ZNF362: variants seen among roughly 807,000 people sequenced by gnomAD.
ZNF362 encodes the protein rotund homolog.
A neutral mutation model predicts 42.9 loss-of-function variants in ZNF362; 11 were observed. That is an observed-to-expected ratio of 0.26 (90% CI 0.16 to 0.42). ZNF362 has a LOEUF of 0.42. ZNF362 is among the 20% of genes least tolerant of loss of function. The pLI, the probability that ZNF362 is intolerant of heterozygous loss-of-function variation, is 1.00. For missense variants in ZNF362, 362 were observed against 576.2 expected, an observed-to-expected ratio of 0.63 and a Z score of 3.81; for synonymous variants, 255 against 257.3, an observed-to-expected ratio of 0.99 and a Z score of 0.09.
At chr1:33,219,154 C>T in the ZNF362 span, among the ~76,000 whole-genome samples, 1 of 152,178 alleles carries the variant, frequency 6.6e-6, no homozygotes, top group African/African-American at 2.4e-5. Flanking sequence ...CAAAATCCAA[C>T]TCTGTCATCT....
chr1:33,225,537 G>T, the ZNF362 span, among the ~76,000 whole-genome samples: 1 of 152,110 alleles, frequency 6.6e-6, no homozygotes, highest in Non-Finnish European at 1.5e-5. Flanking sequence ...ATCGTTGCTT[G>T]TTTACCCTTG....
At chr1:33,243,155 T>TATGTTATGTTATGTCATGTC in the ZNF362 span, among the ~76,000 whole-genome samples, 15 of 151,514 alleles carry the variant, frequency 9.9e-5, no homozygotes, top group Admixed American at 2.6e-4. Context: ...TATGTTATGT[T>TATGTTATGTTATGTCATGTC]ATGTTGTTAT....
intron 6 of ZNF362, among the ~76,000 whole-genome samples, chr1:33,289,525 T>C (rs1397734497): frequency 6.6e-6 from 1 of 152,144 alleles, no homozygotes; most frequent in African/African-American, 2.4e-5. Context: ...GGCAACTTAC[T>C]GGTCAAGAGG....
Position 33,295,319 on chromosome 1 carries a change from G to A in ZNF362, c.1146+14G>A, listed in dbSNP as rs750441912. On this transcript the variant is annotated intron_variant, in intron 8 of 8. Coordinates refer to ENST00000539719, the MANE Select transcript of ZNF362 (RefSeq NM_152493.3). ...GCCTACACCTCGGTGAGTGCCGGTC[G>A]GCCTGTGCCCTGCCCCGGGGGAGCC... 12 of 1,612,254 alleles carry A rather than the reference G, an allele frequency of 7.4e-6. No individual in the cohort carries two copies. Among genetic ancestry groups the A allele is most frequent in the African/African-American group, 5.3e-5 (4 of 74,892 alleles).
Position 33,276,460 on chromosome 1 carries a change from C to T in ZNF362, c.215C>T (p.Pro72Leu), listed in dbSNP as rs1436051511. ...TCGTCGCAGCAGCCGTTGCTAGTGC[C>T]GCCGGCACCCGCCGAGAGCAGCCAG... ...SASSQQPLLV[P>L]PAPAESSQAV... Residue 72 changes from proline (P) to leucine (L), a missense_variant, in exon 4 of 9, where the codon CCG (proline) becomes CTG (leucine). Physicochemically the swap from Pro to Leu is moderately conservative, Grantham distance 98. This residue lies in a region of ZNF362 where 266 missense variants were observed against 365.4 expected (regional missense o/e 0.73). Transcript: ENST00000539719. 10 of 1,551,478 alleles carry T rather than the reference C, an allele frequency of 6.4e-6. No individual in the cohort carries two copies. Among genetic ancestry groups the T allele is most frequent in the Admixed American group, 1.9e-5 (1 of 52,688 alleles).
At chr1:33,147,302 T>C in the ZNF362 span, 16 of 1,614,044 alleles carry the variant, frequency 9.9e-6, no homozygotes, top group Non-Finnish European at 1.2e-5. The surrounding 1 kb of genome is among the most constrained non-coding windows in gnomAD (Gnocchi z 8.1). Flanking sequence ...AGCCAGGACA[T>C]GTCATCAGCA....
intron 2 of ZNF362, among the ~76,000 whole-genome samples, chr1:33,274,667 A>G (rs1028940839): frequency 6.6e-6 from 1 of 152,198 alleles, no homozygotes; most frequent in African/African-American, 2.4e-5. Flanking sequence ...ACATTTGCAT[A>G]TAGATATTGA....
At chr1:33,236,228 A>G in the ZNF362 span, among the ~76,000 whole-genome samples, 2 of 151,942 alleles carry the variant, frequency 1.3e-5, no homozygotes, top group African/African-American at 4.8e-5. Context: ...CACCCAGCAC[A>G]CACATAAATC....
the ZNF362 span, among the ~76,000 whole-genome samples, chr1:33,153,411 A>G: frequency 2.0e-5 from 3 of 152,148 alleles, no homozygotes; most frequent in African/African-American, 7.2e-5. Flanking sequence ...AACTGGGCCA[A>G]TTTTGCTTCC....
the ZNF362 span, among the ~76,000 whole-genome samples, chr1:33,209,825 T>C: frequency 8.3e-4 from 127 of 152,320 alleles, 1 homozygote; most frequent in East Asian, 0.017. Context: ...TTCTTCTTTA[T>C]TAGTCTTGCT....
At chr1:33,260,546 G>C (rs894632138) in intron 1 of ZNF362, among the ~76,000 whole-genome samples, 1 of 152,214 alleles carries the variant, frequency 6.6e-6, no homozygotes, top group African/African-American at 2.4e-5. Flanking sequence ...CACATCAGCT[G>C]CTTTTTCTTT....
chr1:33,225,530 G>A, the ZNF362 span, among the ~76,000 whole-genome samples: 1,945 of 152,140 alleles, frequency 0.013, 58 homozygotes, highest in African/African-American at 0.045. Flanking sequence ...AGTTCCCATC[G>A]TTGCTTGTTT....
rs554298331 is a variant in ZNF362, at chr1:33,295,140, C to T, written c.988-7C>T. 133 of 1,613,724 alleles carry T rather than the reference C, an allele frequency of 8.2e-5. 3 individuals are homozygous for T. The South Asian group carries it at 1.3e-3, about 16-fold the overall frequency. ...TCCTCTCCTGACCCCCTGCTGTGCC[C>T]CTACAGTCTCACCAGCGCCAGCACA... On this transcript the variant is annotated splice_region_variant and splice_polypyrimidine_tract_variant and intron_variant, in intron 7 of 8. Coordinates refer to ENST00000539719, the MANE Select transcript of ZNF362 (RefSeq NM_152493.3).
chr1:33,229,701 G>A, the ZNF362 span, among the ~76,000 whole-genome samples: 7 of 151,808 alleles, frequency 4.6e-5, no homozygotes, highest in Non-Finnish European at 7.4e-5. Flanking sequence ...CACCACTCCC[G>A]GCCCTATTCT....
intron 8 of ZNF362, among the ~76,000 whole-genome samples, chr1:33,297,876 C>A (rs190684994): frequency 1.1e-3 from 166 of 152,300 alleles, no homozygotes; most frequent in Non-Finnish European, 2.0e-3. Context: ...CTCAGTAGAT[C>A]TTTTAATCTC....
At chr1:33,159,810 C>G in the ZNF362 span, 1 of 1,613,924 alleles carries the variant, frequency 6.2e-7, no homozygotes, top group African/African-American at 1.3e-5. The surrounding 1 kb of genome is among the most constrained non-coding windows in gnomAD (Gnocchi z 4.2). Context: ...GCTGGACTTT[C>G]TGCTCGATGT....
At chr1:33,243,449 G>A in the ZNF362 span, among the ~76,000 whole-genome samples, 1 of 151,834 alleles carries the variant, frequency 6.6e-6, no homozygotes. Flanking sequence ...GCCTCCCAAA[G>A]TGCTGGAATT....
intron 6 of ZNF362, among the ~76,000 whole-genome samples, chr1:33,293,335 C>T (rs1034804760): frequency 1.3e-5 from 2 of 152,046 alleles, no homozygotes; most frequent in African/African-American, 2.4e-5. Context: ...AGGGTGCGTA[C>T]GAGCAGGGAG....
At chr1:33,264,797 C>T (rs1299503419) in intron 1 of ZNF362, among the ~76,000 whole-genome samples, 1 of 152,082 alleles carries the variant, frequency 6.6e-6, no homozygotes, top group Non-Finnish European at 1.5e-5. Flanking sequence ...CTCTGAGCCT[C>T]ATTCCTGACC....
Sources: allele counts gnomAD v4.1 joint callset (sites outside exome capture counted in the v4.1 genomes callset), GRCh38; gene constraint gnomAD v4.1.1; regional missense constraint gnomAD v4.1.1; non-coding constraint Gnocchi (gnomAD v3.1); transcripts MANE v1.5; gene names NCBI Gene and HGNC (gene_info 2026-07-23, HGNC 2026-07-21).